TRPC5: variants seen among roughly 807,000 people sequenced by gnomAD.
TRPC5 encodes short transient receptor potential channel 5.
TRPC5 carries 9 observed loss-of-function variants against 56.5 expected under a neutral mutation model. That is an observed-to-expected ratio of 0.16 (90% CI 0.10 to 0.28). The LOEUF is 0.28. TRPC5 is among the 10% of genes least tolerant of loss of function. The pLI is 1.00. For missense variants in TRPC5, 469 were observed against 748.9 expected (o/e 0.63, Z 4.36); for synonymous variants, 282 against 278.5 (o/e 1.01, Z -0.13).
At chrX:112,049,594 C>T (rs899361222) in intron 1 of TRPC5, among the ~76,000 whole-genome samples, 1 of 108,433 alleles carries the variant, frequency 9.2e-6, no homozygotes, top group African/African-American at 3.3e-5. Flanking sequence ...GGCTCAAACT[C>T]CTGGGCTCAA....
At chrX:112,074,452 C>T (rs1049104053) in intron 1 of TRPC5, among the ~76,000 whole-genome samples, 2 of 110,276 alleles carry the variant, frequency 1.8e-5, no homozygotes, top group Non-Finnish European at 3.8e-5. Flanking sequence ...ATCCGGAATT[C>T]CTACACACCA....
intron 1 of TRPC5, among the ~76,000 whole-genome samples, chrX:112,047,484 A>T (rs1178081168): frequency 9.0e-6 from 1 of 111,433 alleles, no homozygotes; most frequent in African/African-American, 3.3e-5. Flanking sequence ...TTCAACAGCC[A>T]TTGCCCTAGC....
intron 8 of TRPC5, 82 bp downstream of exon 8, chrX:111,781,853 G>A (rs1456486246): frequency 1.4e-5 from 13 of 900,185 alleles, no homozygotes; most frequent in Non-Finnish European, 2.0e-5. Flanking sequence ...CCGAGACCGT[G>A]CCACTGCACT....
At chrX:112,053,924 C>T (rs1930279013) in intron 1 of TRPC5, among the ~76,000 whole-genome samples, 1 of 111,621 alleles carries the variant, frequency 9.0e-6, no homozygotes, top group South Asian at 3.8e-4. Flanking sequence ...CTCACATGTA[C>T]CTGATTTACA....
intron 1 of TRPC5, among the ~76,000 whole-genome samples, chrX:111,973,960 C>A (rs1927852386): frequency 9.0e-6 from 1 of 111,282 alleles, no homozygotes; most frequent in Admixed American, 9.6e-5. Context: ...GCTAGATTTA[C>A]TGTTCTGTCG....
At chrX:111,929,028 T>G (rs1354550008) in intron 2 of TRPC5, among the ~76,000 whole-genome samples, 1 of 111,883 alleles carries the variant, frequency 8.9e-6, no homozygotes, top group Non-Finnish European at 1.9e-5. Context: ...GGTTCTAAAT[T>G]AAATTTACTA....
intron 6 of TRPC5, among the ~76,000 whole-genome samples, chrX:111,838,199 CAG>C (rs1392778945): frequency 1.8e-5 from 2 of 111,595 alleles, no homozygotes; most frequent in South Asian, 3.8e-4. Flanking sequence ...AATTGTACAA[CAG>C]GGGAAAATGG....
intron 3 of TRPC5, among the ~76,000 whole-genome samples, chrX:111,875,131 A>G (rs1489022766): frequency 8.9e-6 from 1 of 112,157 alleles, no homozygotes; most frequent in East Asian, 2.8e-4. Context: ...ATGAGGATTA[A>G]ATGAGCTACT....
intron 6 of TRPC5, among the ~76,000 whole-genome samples, chrX:111,846,128 G>A (rs1178474225): frequency 9.0e-6 from 1 of 111,697 alleles, no homozygotes; most frequent in Non-Finnish European, 1.9e-5. Context: ...TTGTTATGGA[G>A]CACATTTCTA....
At chrX:111,787,914 A>G (rs1190895078) in intron 7 of TRPC5, among the ~76,000 whole-genome samples, 1 of 111,722 alleles carries the variant, frequency 9.0e-6, no homozygotes, top group Non-Finnish European at 1.9e-5. Flanking sequence ...ATTTGAGGCC[A>G]TAATTAATAG....
intron 1 of TRPC5, among the ~76,000 whole-genome samples, chrX:111,959,989 A>G (rs2148641908): frequency 8.9e-6 from 1 of 112,079 alleles, no homozygotes; most frequent in Admixed American, 9.5e-5. Context: ...GCTGTCTAGT[A>G]CAGTAGCCAC....
rs1926861483 is a variant in TRPC5, at chrX:111,944,274, G to GTC, written c.378+7768_378+7769insGA. ...GAGGTGTGGGAGTAGAAGAGTGTGT[G>GTC]TGTGTGTGTGTGTGTGTGTGTGTGT... is the stretch of plus-strand genomic sequence containing the variant. On this transcript the variant is annotated intron_variant, in intron 2 of 10. Transcript: ENST00000262839. Among the ~76,000 whole-genome samples the GTC allele has an allele frequency of 5.4e-5, 4 of 74,024 alleles. No individual in the cohort carries two copies. In the South Asian group the frequency reaches 2.7e-3, roughly 50 times the overall value. 64.3% of individuals were successfully genotyped at this position (74,024 alleles called of 115,157 possible).
intron 3 of TRPC5, among the ~76,000 whole-genome samples, chrX:111,856,454 G>A (rs1045919288): frequency 2.8e-5 from 3 of 107,644 alleles, no homozygotes; most frequent in Non-Finnish European, 3.8e-5. Context: ...CAAGAGAATC[G>A]CTTGAACCCA....
At chrX:112,010,845 C>G (rs772023832) in intron 1 of TRPC5, among the ~76,000 whole-genome samples, 1 of 111,500 alleles carries the variant, frequency 9.0e-6, no homozygotes, top group Admixed American at 9.5e-5. Context: ...AGTGGCTAGA[C>G]TAGTGCCTGG....
chrX:111,807,580 T>C (rs187584129), intron 7 of TRPC5, among the ~76,000 whole-genome samples: 228 of 112,494 alleles, frequency 2.0e-3, no homozygotes, highest in African/African-American at 6.5e-3. Flanking sequence ...GTGCCTTATT[T>C]AGTTCATTTG....
chrX:111,986,626 C>T (rs756794995), intron 1 of TRPC5, among the ~76,000 whole-genome samples: 2 of 110,809 alleles, frequency 1.8e-5, no homozygotes, highest in Non-Finnish European at 1.9e-5. Flanking sequence ...GAAGTCGCTA[C>T]CACTGGGGGT....
intron 7 of TRPC5, among the ~76,000 whole-genome samples, chrX:111,809,976 G>A (rs1008844286): frequency 9.2e-6 from 1 of 109,155 alleles, no homozygotes; most frequent in African/African-American, 3.4e-5. Context: ...GAGCACTGGC[G>A]TGATTTTGGC....
intron 1 of TRPC5, among the ~76,000 whole-genome samples, chrX:112,008,014 G>A (rs768345651): frequency 8.9e-6 from 1 of 111,932 alleles, no homozygotes; most frequent in African/African-American, 3.2e-5. Flanking sequence ...GTCTTGTAAA[G>A]TGTCCAGCTA....
At chrX:111,948,400 C>T (rs139085411) in intron 2 of TRPC5, among the ~76,000 whole-genome samples, 163 of 111,002 alleles carry the variant, frequency 1.5e-3, no homozygotes, top group African/African-American at 5.2e-3. Flanking sequence ...AAAATAATTC[C>T]CCAAAATATG....
Sources: gnomAD v4.1 joint callset for allele counts (sites outside exome capture counted in the v4.1 genomes callset) on GRCh38, gnomAD v4.1.1 for gene constraint, MANE v1.5 for transcripts, NCBI Gene and HGNC (gene_info 2026-07-23, HGNC 2026-07-21) for gene names.